IL17RC: variants seen among roughly 807,000 people sequenced by gnomAD.
IL17RC encodes the protein interleukin 17 receptor C.
Under a neutral mutation model 86.7 loss-of-function variants are expected in IL17RC, and 53 were observed. The observed-to-expected ratio is 0.61, with a 90% CI of 0.49 to 0.77. The LOEUF is 0.77. Ranked by LOEUF, IL17RC falls within the 30% of genes least tolerant of loss-of-function variation. The pLI, the probability that IL17RC is intolerant of heterozygous loss-of-function variation, is 0.00. For missense variants in IL17RC, 957 were observed against 940.0 expected, an observed-to-expected ratio of 1.02 and a Z score of -0.24; for synonymous variants, 439 against 413.1, an observed-to-expected ratio of 1.06 and a Z score of -0.76.
Position 9,933,064 on chromosome 3 carries a change from C to A in IL17RC, c.1634C>A (p.Ala545Asp), listed in dbSNP as rs1358856388. The change falls in exon 19 of 19, where the codon GCC becomes GAC. Residue 545 changes from alanine (A) to aspartate (D), a missense_variant. Transcript: ENST00000403601. Reference protein sequence around the residue: ...SALCQLPLRVAVDLWSRRELS... With the variant: ...SALCQLPLRVDVDLWSRRELS... ...CTGTGCCAGCTGCCGCTGCGCGTGG[C>A]CGTAGACCTGTGGAGCCGTCGTGAA... 4 of 1,553,438 alleles carry A rather than the reference C, an allele frequency of 2.6e-6. No homozygotes were observed. The East Asian group carries it at 9.0e-5, about 35-fold the overall frequency.
At chr3:9,924,997 T>A (rs2083923006) in intron 9 of IL17RC, among the ~76,000 whole-genome samples, 1 of 150,882 alleles carries the variant, frequency 6.6e-6, no homozygotes, top group African/African-American at 2.4e-5. Context: ...AGAGACGGGG[T>A]CTTGCTATGT....
intron 9 of IL17RC, among the ~76,000 whole-genome samples, chr3:9,925,459 C>A (rs553631516): frequency 6.6e-6 from 1 of 152,230 alleles, no homozygotes; most frequent in East Asian, 1.9e-4. Flanking sequence ...ATCCATCTTA[C>A]CTCTGACATT....
At chr3:9,923,789 C>T (rs1300464489) in intron 7 of IL17RC, 92 bp from the exon 8 acceptor site, 1 of 1,414,224 alleles carries the variant, frequency 7.1e-7, no homozygotes, top group African/African-American at 1.4e-5. Context: ...GCCTCCCAGT[C>T]TAGGGGGTTT....
Position 9,932,991 on chromosome 3 carries a change from G to A in IL17RC, c.1561G>A (p.Ala521Thr). The change falls in exon 19 of 19, where the codon GCC becomes ACC. Residue 521 changes from alanine to threonine, a missense_variant. Physicochemically the swap from Ala to Thr is moderately conservative, Grantham distance 58. Transcript: ENST00000403601. ...CCGCGCGGCTCTGCTCCTCTACTCAGCCGATGACTCGGGTTTCGAGCGCCT... is the reference window on the plus strand; with the variant it reads ...CCGCGCGGCTCTGCTCCTCTACTCAACCGATGACTCGGGTTTCGAGCGCCT... ...RGRAALLLYSADDSGFERLVG... is the reference protein window; with the variant it reads ...RGRAALLLYSTDDSGFERLVG... 6.3e-7 allele frequency: 1 copy of A among 1,583,746 alleles called. No homozygotes were observed. Among genetic ancestry groups the A allele is most frequent in the Non-Finnish European group, 8.5e-7 (1 of 1,171,256 alleles).
chr3:9,928,772 C>T (rs965525704), intron 12 of IL17RC, 142 bp downstream of exon 12: 10 of 816,488 alleles, frequency 1.2e-5, no homozygotes, highest in Admixed American at 2.3e-5. Context: ...TTTAGTAGTG[C>T]GCGGGACCCT....
chr3:9,928,723 G>T, intron 12 of IL17RC, 93 bp downstream of exon 12: 1 of 1,337,470 alleles, frequency 7.5e-7, no homozygotes, highest in Non-Finnish European at 1.1e-6. Context: ...CTAAAGCATA[G>T]TGGTTGCCAG....
At position 9,930,097 on chromosome 3, in the gene IL17RC, T is replaced by C; in HGVS notation, c.1226T>C (p.Leu409Pro). The C allele has an allele frequency of 6.2e-7, 1 of 1,614,150 alleles. No homozygotes were observed. Among genetic ancestry groups the C allele is most frequent in the Non-Finnish European group, 8.5e-7 (1 of 1,180,002 alleles). ...ETRGPQDNRS[L>P]CALEPSGCTS... Reference sequence around the variant, plus strand: ...CGAGGCCCCCAGGACAACAGATCCCTCTGTGCCTTGGAACCCAGTGGCTGT... The same window carrying C: ...CGAGGCCCCCAGGACAACAGATCCCCCTGTGCCTTGGAACCCAGTGGCTGT... Residue 409 changes from leucine (L) to proline (P), a missense_variant, in exon 14 of 19, where the codon CTC becomes CCC. Physicochemically the swap from Leu to Pro is moderately conservative, Grantham distance 98. Transcript: ENST00000403601. The surrounding 1 kb of genome is among the most constrained non-coding windows in gnomAD (Gnocchi z 5.8).
chr3:9,930,344 G>A lies in IL17RC; in HGVS notation c.1279-56G>A. 1 of 1,596,966 alleles carries A rather than the reference G, an allele frequency of 6.3e-7. No individual in the cohort carries two copies. Among genetic ancestry groups the A allele is most frequent in the Non-Finnish European group, 8.6e-7 (1 of 1,165,150 alleles). On this transcript the variant is annotated intron_variant, in intron 14 of 18. Coordinates refer to ENST00000403601, the MANE Select transcript of IL17RC (RefSeq NM_153460.4). The surrounding 1 kb of genome is among the most constrained non-coding windows in gnomAD (Gnocchi z 5.8). ...TCTACCCAGCTGTAGCCTGGTAGGTGCTGCCCTAAGGGTGCTACCTCCAGG... is the reference window on the plus strand; with the variant it reads ...TCTACCCAGCTGTAGCCTGGTAGGTACTGCCCTAAGGGTGCTACCTCCAGG...
In IL17RC at chr3:9,930,794, C is replaced by T; in HGVS notation, c.1339-101C>T. The T allele has an allele frequency of 2.0e-6, 2 of 1,010,286 alleles. No individual in the cohort carries two copies. The highest frequency in any genetic ancestry group is 3.4e-5 in the Admixed American group (2 of 59,220). The allele number at this position is 1,010,286 out of a possible 1,614,324, so 62.6% of individuals were successfully genotyped here. On this transcript the variant is annotated intron_variant, in intron 15 of 18. Transcript: ENST00000403601. This position sits in a 1 kb window ranked among gnomAD's most constrained non-coding sequence, Gnocchi z 5.8. ...GCAGGAACCTTAGCCGGGAGATATG[C>T]ATAGTTGATGCTGGGAATTTGGAGA...
Position 9,928,603 on chromosome 3 carries a change from GA to G in IL17RC, c.1086del (p.Gly363AlafsTer9). Reference sequence around the variant, plus strand: ...AGAAGGTTCTCGAGTTCCCATTGCTGAAAGGCCACCCTAACCTCTGTGTTCA... The same window carrying G: ...AGAAGGTTCTCGAGTTCCCATTGCTGAAGGCCACCCTAACCTCTGTGTTCA... ...VDKVLEFPLL[K>X]GHPNLCVQVN... On this transcript the variant is annotated frameshift_variant, in exon 12 of 19. Transcript: ENST00000403601. LOFTEE classifies it high-confidence loss of function. 1 of 1,613,764 alleles carries G rather than the reference GA, an allele frequency of 6.2e-7. No individual in the cohort carries two copies. Among genetic ancestry groups the G allele is most frequent in the South Asian group, 1.1e-5 (1 of 91,084 alleles).
At chr3:9,931,516 T>A (rs2084695556) in intron 16 of IL17RC, among the ~76,000 whole-genome samples, 1 of 149,456 alleles carries the variant, frequency 6.7e-6, no homozygotes. Context: ...TATTTTTTTA[T>A]TTATTTTTGA....
rs756938928 is a variant in IL17RC, at chr3:9,932,954, G to A, written c.1524G>A (p.Ala508=). The stretch of plus-strand genomic sequence containing the variant: ...CTCCCCATCTGTTTTCTCCGGCAGC[G>A]GCCGCCAGGGGCCGCGCGGCTCTGC... ...RLLKQDVRSG[A]AARGRAALLL... Residue 508 remains alanine (A), a splice_region_variant and synonymous_variant, in exon 19 of 19, where the codon GCG becomes GCA. Coordinates refer to ENST00000403601, the MANE Select transcript of IL17RC (RefSeq NM_153460.4). The A allele has an allele frequency of 1.9e-6, 3 of 1,606,836 alleles. No homozygotes were observed. The Admixed American group carries it at 5.1e-5, about 27-fold the overall frequency.
rs755819159 is a variant in IL17RC, at chr3:9,930,365, C to T, written c.1279-35C>T. On this transcript the variant is annotated intron_variant, in intron 14 of 18. Coordinates refer to ENST00000403601, the MANE Select transcript of IL17RC (RefSeq NM_153460.4). This position sits in a 1 kb window ranked among gnomAD's most constrained non-coding sequence, Gnocchi z 5.8. The stretch of plus-strand genomic sequence containing the variant: ...AGGTGCTGCCCTAAGGGTGCTACCT[C>T]CAGGTAACAGTGCCCCCATCCTTTG... The T allele has an allele frequency of 1.2e-6, 2 of 1,609,406 alleles. No individual in the cohort carries two copies. The highest frequency in any genetic ancestry group is 1.7e-6 in the Non-Finnish European group (2 of 1,175,944).
At position 9,920,935 on chromosome 3, in the gene IL17RC, G is replaced by A. The variant is rs199502866; in HGVS notation, c.588G>A (p.Gly196=). The A allele has an allele frequency of 1.0e-5, 16 of 1,606,812 alleles. No homozygotes were observed. The highest frequency in any genetic ancestry group is 1.3e-5 in the African/African-American group (1 of 74,652). Residue 196 remains glycine (G), a synonymous_variant, in exon 7 of 19, where the codon GGG becomes GGA. Transcript: ENST00000403601. ...GTGATCTCTCCTCAGACTGCAGGGG[G>A]CTCGAAGTCTGGAACAGCATCCCGA... ...NHTQQLPDCR[G]LEVWNSIPSC... is the part of the protein sequence containing the mutation.
rs2083236472 is a variant in IL17RC at position 9,917,926 on chromosome 3, G to A, written c.131G>A (p.Ser44Asn). The change falls in exon 3 of 19, where the codon AGT becomes AAT. Residue 44 changes from serine (S) to asparagine (N), a missense_variant. Transcript: ENST00000403601. ...CCACCCGCTCCTCCACACACAGACA[G>A]TGACATACTCTGCCTGCCTGGGGAC... The part of the protein sequence containing the change: ...SPGLSCRLWD[S>N]DILCLPGDIV... 6.2e-7 allele frequency: 1 copy of A among 1,613,206 alleles called. No homozygotes were observed. Among genetic ancestry groups the A allele is most frequent in the Non-Finnish European group, 8.5e-7 (1 of 1,180,042 alleles).
chr3:9,928,146 G>C lies in IL17RC; in HGVS notation c.823-20G>C, dbSNP rs1465942172. 4.3e-6 allele frequency: 7 copies of C among 1,613,784 alleles called. No homozygotes were observed. Among genetic ancestry groups the C allele is most frequent in the South Asian group, 3.3e-5 (3 of 91,070 alleles). ...CATGCCCATGGAGGGGACCTGAGCA[G>C]ACCCCCATTTCCTTTCCAGGTGTGG... On this transcript the variant is annotated intron_variant, in intron 9 of 18. Transcript: ENST00000403601.
intron 2 of IL17RC, 84 bp downstream of exon 2, chr3:9,917,818 C>T (rs1575515869): frequency 6.2e-7 from 1 of 1,607,768 alleles, no homozygotes; most frequent in Non-Finnish European, 8.5e-7. Context: ...TCCATGCCCA[C>T]CTCAGCCTAG....
At chr3:9,921,346 TC>T (rs978021389) in intron 7 of IL17RC, among the ~76,000 whole-genome samples, 2 of 151,924 alleles carry the variant, frequency 1.3e-5, no homozygotes, top group African/African-American at 2.4e-5. Flanking sequence ...TCCCAGCTAC[TC>T]AGGAGGCTGA....
At position 9,917,237 on chromosome 3, in the gene IL17RC, G is replaced by C. The variant is rs2083151075; in HGVS notation, c.-79G>C. 3.5e-6 allele frequency: 4 copies of C among 1,152,946 alleles called. No homozygotes were observed. The highest frequency in any genetic ancestry group is 3.0e-5 in the South Asian group (2 of 66,678). The allele number at this position is 1,152,946 out of a possible 1,614,324, so 71.4% of individuals were successfully genotyped here. A position where few individuals can be genotyped will look rare whatever the true frequency, so the allele number is the denominator to read the frequency against. On this transcript the variant is annotated 5_prime_UTR_variant, in exon 1 of 19. Transcript: ENST00000403601. ...TCCAGCCCCTGCCACCCACAGACAC[G>C]GGCTGACTGGGGTGTCTGCCCCCCT...
Sources: allele counts gnomAD v4.1 joint callset (sites outside exome capture counted in the v4.1 genomes callset), GRCh38; gene constraint gnomAD v4.1.1; non-coding constraint Gnocchi (gnomAD v3.1); transcripts MANE v1.5; gene names NCBI Gene and HGNC (gene_info 2026-07-23, HGNC 2026-07-21).